GCSAML: variants seen among roughly 807,000 people sequenced by gnomAD.
The protein encoded by GCSAML is germinal center associated signaling and motility like.
A neutral mutation model predicts 13.0 loss-of-function variants in GCSAML; 9 were observed. That is an observed-to-expected ratio of 0.69 (90% CI 0.42 to 1.21). The LOEUF (loss-of-function observed/expected upper bound fraction) is 1.21. Among genes scored for constraint, GCSAML ranks in the 50% most tolerant of loss-of-function variants. GCSAML has a pLI of 0.00. For missense variants in GCSAML, 143 were observed against 153.4 expected (o/e 0.93, Z 0.36); for synonymous variants, 37 against 52.9 (o/e 0.70, Z 1.31).
intron 2 of GCSAML, among the ~76,000 whole-genome samples, chr1:247,541,183 ATT>A (rs71757622): frequency 1.3e-5 from 2 of 151,104 alleles, no homozygotes; most frequent in African/African-American, 2.4e-5. Context: ...AGCTTTTTCA[ATT>A]TTTTTTTTCC....
At chr1:247,573,763 T>C (rs1382302797) in intron 4 of GCSAML, among the ~76,000 whole-genome samples, 1 of 152,254 alleles carries the variant, frequency 6.6e-6, no homozygotes, top group African/African-American at 2.4e-5. Flanking sequence ...GCATTGAATC[T>C]ATAAATTACT....
intron 1 of GCSAML, among the ~76,000 whole-genome samples, chr1:247,552,447 C>T (rs1218352423): frequency 6.6e-6 from 1 of 152,124 alleles, no homozygotes; most frequent in Admixed American, 6.5e-5. Context: ...TTGGGCAGTG[C>T]CTAATTTGCA....
At position 247,566,816 on chromosome 1, in the gene GCSAML, A is replaced by G. The variant is rs536196976; in HGVS notation, c.168+857A>G. Reference sequence around the variant, plus strand: ...TTATTTTTTCTTTCCTTCACTGTCTATGCAATTGAAAATGTGCATAAACTC... The same window carrying G: ...TTATTTTTTCTTTCCTTCACTGTCTGTGCAATTGAAAATGTGCATAAACTC... On this transcript the variant is annotated intron_variant, in intron 4 of 4. Coordinates refer to ENST00000366488, the MANE Select transcript of GCSAML (RefSeq NM_145278.5). 5.3e-5 allele frequency among the ~76,000 whole-genome samples: 8 copies of G among 152,144 alleles called. No individual in the cohort carries two copies. In the South Asian group the frequency reaches 6.2e-4, roughly 12 times the overall value.
At chr1:247,561,485 A>G (rs1053240665) in intron 2 of GCSAML, among the ~76,000 whole-genome samples, 23 of 152,152 alleles carry the variant, frequency 1.5e-4, no homozygotes, top group African/African-American at 5.1e-4. Flanking sequence ...ATCAAATACT[A>G]GGAGTTATTT....
rs189386423 is a variant in GCSAML at position 247,542,210 on chromosome 1, A to G, written c.-147-6835A>G. 4.5e-3 allele frequency among the ~76,000 whole-genome samples: 690 copies of G among 152,308 alleles called. 9 individuals are homozygous for G. Among genetic ancestry groups the G allele is most frequent in the Non-Finnish European group, 5.4e-3 (369 of 68,018 alleles). ...AGGATCATTTGAGCCCAGGAGTTCT[A>G]AGCTTTAGCATGCTCTGATCATGCC... On this transcript the variant is annotated intron_variant, in intron 2 of 5. Transcript: ENST00000366489.
chr1:247,530,472 C>G (rs1666876650), intron 2 of GCSAML: 1 of 151,582 alleles, frequency 6.6e-6, no homozygotes, highest in Non-Finnish European at 1.5e-5. Flanking sequence ...CTCTGCACCT[C>G]CCTTTTCCCC....
chr1:247,557,179 T>A (rs749201145), intron 2 of GCSAML, among the ~76,000 whole-genome samples: 1 of 152,250 alleles, frequency 6.6e-6, no homozygotes, highest in African/African-American at 2.4e-5. Context: ...CGCATGGTTT[T>A]ATGGCACTAG....
intron 4 of GCSAML, among the ~76,000 whole-genome samples, chr1:247,572,691 A>T (rs548769584): frequency 2.8e-4 from 43 of 152,344 alleles, no homozygotes; most frequent in Non-Finnish European, 5.9e-4. Context: ...TCAGCGACCC[A>T]CTTGAGGAGG....
At position 247,507,471 on chromosome 1, in the gene GCSAML, C is replaced by T. The variant is rs114390988; in HGVS notation, c.-263+238C>T. ...TTCTTTGAGCTGGAATTATACTTGA[C>T]ATTTCATTATAATATATTAGCTATA... On this transcript the variant is annotated intron_variant, in intron 1 of 5. Coordinates refer to the GCSAML transcript ENST00000366489. Among the ~76,000 whole-genome samples, 972 of 152,260 alleles carry T rather than the reference C, an allele frequency of 6.4e-3. 14 individuals are homozygous for T. Among genetic ancestry groups the T allele is most frequent in the African/African-American group, 0.022 (908 of 41,554 alleles).
chr1:247,531,836 C>T, intron 2 of GCSAML: 1 of 1,614,194 alleles, frequency 6.2e-7, no homozygotes, highest in Non-Finnish European at 8.5e-7. Flanking sequence ...ATCTTCAACA[C>T]GGCCCGGGCA....
At chr1:247,521,148 A>G (rs1014074765) in intron 1 of GCSAML, among the ~76,000 whole-genome samples, 3 of 148,488 alleles carry the variant, frequency 2.0e-5, no homozygotes, top group Non-Finnish European at 4.4e-5. Flanking sequence ...AGAAAATCCT[A>G]TAGGCATCTT....
At chr1:247,532,416 GACA>G in intron 2 of GCSAML, 1 of 1,614,118 alleles carries the variant, frequency 6.2e-7, no homozygotes, top group Non-Finnish European at 8.5e-7. Context: ...AAAAACTCAA[GACA>G]ACTATGAAGA....
rs991946057 is a variant in GCSAML at position 247,576,614 on chromosome 1, A to T, written c.*2232A>T. 3 of 152,020 alleles carry T rather than the reference A, an allele frequency of 2.0e-5. No homozygotes were observed. Among genetic ancestry groups the T allele is most frequent in the African/African-American group, 7.2e-5 (3 of 41,386 alleles). 9.4% of individuals were successfully genotyped at this position (152,020 alleles called of 1,614,324 possible). On this transcript the variant is annotated 3_prime_UTR_variant, in exon 5 of 5. Coordinates refer to ENST00000366488, the MANE Select transcript of GCSAML (RefSeq NM_145278.5). The stretch of plus-strand genomic sequence containing the variant: ...GATTAGGGATTTTCAACCTGTACTG[A>T]CCTTTTAGTCATTGACAAGCATTAA...
chr1:247,550,664 C>T (rs1667749909), intron 1 of GCSAML, among the ~76,000 whole-genome samples: 2 of 151,250 alleles, frequency 1.3e-5, no homozygotes, highest in Non-Finnish European at 2.9e-5. Context: ...AAAAAAAATG[C>T]TTAAGGGTTC....
chr1:247,554,432 T>C (rs1222175261), intron 1 of GCSAML, among the ~76,000 whole-genome samples: 1 of 152,158 alleles, frequency 6.6e-6, no homozygotes, highest in East Asian at 1.9e-4. Flanking sequence ...TTTCTAAGAT[T>C]TGGTTCCCTA....
At chr1:247,573,285 A>T (rs981068455) in intron 4 of GCSAML, among the ~76,000 whole-genome samples, 1 of 152,164 alleles carries the variant, frequency 6.6e-6, no homozygotes, top group Non-Finnish European at 1.5e-5. Context: ...CTTGAAACCC[A>T]GTTTTATGCT....
In GCSAML at chr1:247,574,281, A is replaced by G; in HGVS notation, c.307A>G (p.Arg103Gly). 6.2e-7 allele frequency: 1 copy of G among 1,614,136 alleles called. No homozygotes were observed. Among genetic ancestry groups the G allele is most frequent in the East Asian group, 2.2e-5 (1 of 44,858 alleles). ...CCTCACAAGGAAAGTGAGACAGTTT[A>G]GAGAAAGGTCAGAGACAGAATATGC... ...DSLTRKVRQF[R>G]ERSETEYALL... is the part of the protein sequence containing the mutation. The change falls in exon 5 of 5, where the codon AGA becomes GGA. Residue 103 changes from arginine to glycine, a missense_variant. Transcript: ENST00000366488.
At chr1:247,518,864 C>A (rs1666315726) in intron 1 of GCSAML, among the ~76,000 whole-genome samples, 1 of 152,106 alleles carries the variant, frequency 6.6e-6, no homozygotes, top group South Asian at 2.1e-4. Context: ...TGGCGCCTGC[C>A]TTTAGTCCTA....
intron 2 of GCSAML, chr1:247,531,716 T>G: frequency 6.2e-7 from 1 of 1,614,150 alleles, no homozygotes; most frequent in Non-Finnish European, 8.5e-7. Flanking sequence ...TGGGAGGTGC[T>G]CTTGGCTGGC....
Sources: allele counts gnomAD v4.1 joint callset (sites outside exome capture counted in the v4.1 genomes callset), GRCh38; gene constraint gnomAD v4.1.1; transcripts MANE v1.5; gene names NCBI Gene and HGNC (gene_info 2026-07-23, HGNC 2026-07-21).